Variants in SH3RF3 observed in about 807,000 individuals in gnomAD.
SH3RF3 encodes SH3 domain containing ring finger 3.
A neutral mutation model predicts 66.3 loss-of-function variants in SH3RF3; 29 were observed. The observed-to-expected ratio is 0.44, with a 90% CI of 0.33 to 0.60. The LOEUF (loss-of-function observed/expected upper bound fraction) is 0.60, where lower values mean the gene tolerates loss of function less well. SH3RF3 is among the 20% of genes least tolerant of loss of function. The pLI is 0.04. For synonymous variants in SH3RF3, 583 were observed against 532.0 expected, an observed-to-expected ratio of 1.10 and a Z score of -1.32; for missense variants, 1,194 against 1,190.9, an observed-to-expected ratio of 1.00 and a Z score of -0.04.
chr2:109,199,061 A>T (rs1574498790), intron 1 of SH3RF3, among the ~76,000 whole-genome samples: 1 of 152,100 alleles, frequency 6.6e-6, no homozygotes, highest in Non-Finnish European at 1.5e-5. Flanking sequence ...AGTTCCACTT[A>T]AAAAATGGTC....
intron 3 of SH3RF3, among the ~76,000 whole-genome samples, chr2:109,380,639 T>C (rs1683489730): frequency 2.0e-5 from 3 of 152,194 alleles, no homozygotes; most frequent in Admixed American, 1.3e-4. Flanking sequence ...GACCGCAGCC[T>C]GAGTGGCTCA....
At chr2:109,271,666 G>A (rs1464886987) in intron 1 of SH3RF3, among the ~76,000 whole-genome samples, 2 of 152,212 alleles carry the variant, frequency 1.3e-5, no homozygotes, top group Admixed American at 6.5e-5. Context: ...ATCCAGATAC[G>A]TGGTGGGTGC....
chr2:109,170,644 C>A (rs1320195532), intron 1 of SH3RF3, among the ~76,000 whole-genome samples: 1 of 152,194 alleles, frequency 6.6e-6, no homozygotes, highest in African/African-American at 2.4e-5. Context: ...GCCACTGTGC[C>A]TGGTCAAACA....
intron 1 of SH3RF3, among the ~76,000 whole-genome samples, chr2:109,220,656 A>C (rs1679208756): frequency 6.6e-6 from 1 of 152,258 alleles, no homozygotes; most frequent in Admixed American, 6.5e-5. Flanking sequence ...GCCAGTAAGC[A>C]CATGAAAAGA....
intron 8 of SH3RF3, among the ~76,000 whole-genome samples, chr2:109,470,448 G>A (rs185016388): frequency 3.3e-5 from 5 of 152,112 alleles, no homozygotes; most frequent in Non-Finnish European, 5.9e-5. Flanking sequence ...TGCACGTCTG[G>A]GGAGACACCA....
intron 1 of SH3RF3, among the ~76,000 whole-genome samples, chr2:109,249,397 G>A (rs1310850862): frequency 1.3e-5 from 2 of 152,184 alleles, no homozygotes; most frequent in African/African-American, 4.8e-5. Context: ...CCAAAGCTCA[G>A]AGGATCTGGA....
rs545108714 is a variant in SH3RF3 at position 109,212,789 on chromosome 2, G to A, written c.573+82676G>A. Among the ~76,000 whole-genome samples, 3 of 151,818 alleles carry A rather than the reference G, an allele frequency of 2.0e-5. No homozygotes were observed. The South Asian group carries it at 6.2e-4, about 31-fold the overall frequency. On this transcript the variant is annotated intron_variant, in intron 1 of 9. Coordinates refer to ENST00000309415, the MANE Select transcript of SH3RF3 (RefSeq NM_001099289.3). ...CACCCGTCAGTTCCCTCTGCCCCTG[G>A]TATTTCCCTGCTGGAGGAGTTAGAC... is the stretch of plus-strand genomic sequence containing the variant.
chr2:109,488,826 G>A (rs1366786644), intron 8 of SH3RF3, among the ~76,000 whole-genome samples: 3 of 152,360 alleles, frequency 2.0e-5, no homozygotes, highest in Middle Eastern at 3.4e-3. Context: ...CTGGCACGGT[G>A]CACAAGACCT....
chr2:109,248,651 T>C (rs1679978000), intron 1 of SH3RF3, among the ~76,000 whole-genome samples: 1 of 152,204 alleles, frequency 6.6e-6, no homozygotes, highest in Admixed American at 6.5e-5. Context: ...AGCAAATAAT[T>C]AGTACACTTG....
At chr2:109,460,951 T>C (rs1678194797) in intron 8 of SH3RF3, among the ~76,000 whole-genome samples, 1 of 152,224 alleles carries the variant, frequency 6.6e-6, no homozygotes, top group Non-Finnish European at 1.5e-5. Flanking sequence ...TTTCAGGTGG[T>C]GCCTGCATAT....
chr2:109,167,745 G>A (rs893544773), intron 1 of SH3RF3, among the ~76,000 whole-genome samples: 2 of 151,988 alleles, frequency 1.3e-5, no homozygotes, highest in Non-Finnish European at 2.9e-5. Context: ...CTAATTTTTT[G>A]TATTTTTAGT....
At chr2:109,151,148 G>C (rs1338123567) in intron 1 of SH3RF3, among the ~76,000 whole-genome samples, 1 of 152,232 alleles carries the variant, frequency 6.6e-6, no homozygotes, top group Non-Finnish European at 1.5e-5. Context: ...GCTTATATTT[G>C]ATGGGTTCTT....
At chr2:109,312,508 C>T (rs1394076164) in intron 1 of SH3RF3, among the ~76,000 whole-genome samples, 1 of 152,138 alleles carries the variant, frequency 6.6e-6, no homozygotes, top group East Asian at 1.9e-4. Context: ...AGGAAACTCT[C>T]TACCCATCAG....
intron 3 of SH3RF3, among the ~76,000 whole-genome samples, chr2:109,395,531 G>A (rs1389913730): frequency 1.3e-5 from 2 of 152,190 alleles, no homozygotes; most frequent in Non-Finnish European, 2.9e-5. Context: ...CCTGCCGTCT[G>A]TTGAAGCTGC....
At position 109,398,488 on chromosome 2, in the gene SH3RF3, T is replaced by C. The variant is rs1197759679; in HGVS notation, c.946-102T>C. 4 of 1,049,036 alleles carry C rather than the reference T, an allele frequency of 3.8e-6. No individual in the cohort carries two copies. In the East Asian group the frequency reaches 1.0e-4, roughly 28 times the overall value. The allele number at this position is 1,049,036 out of a possible 1,614,324, so 65.0% of individuals were successfully genotyped here. On this transcript the variant is annotated intron_variant, in intron 3 of 9. Transcript: ENST00000309415. ...CTGCAGTCTGACGGATTTGAATGCATTGCCAGTTTGTGAATGGAAATGTGG... is the reference window on the plus strand; with the variant it reads ...CTGCAGTCTGACGGATTTGAATGCACTGCCAGTTTGTGAATGGAAATGTGG...
chr2:109,474,022 G>A (rs1232431750), intron 8 of SH3RF3, among the ~76,000 whole-genome samples: 2 of 152,152 alleles, frequency 1.3e-5, no homozygotes, highest in African/African-American at 4.8e-5. Flanking sequence ...CTTTGATGCT[G>A]GAGACTTTCT....
At chr2:109,155,970 A>G (rs1391605002) in intron 1 of SH3RF3, among the ~76,000 whole-genome samples, 1 of 152,162 alleles carries the variant, frequency 6.6e-6, no homozygotes, top group Non-Finnish European at 1.5e-5. Flanking sequence ...GCATGCTGTC[A>G]CTGAGCTCTG....
At chr2:109,440,611 T>A (rs1224202033) in intron 7 of SH3RF3, among the ~76,000 whole-genome samples, 1 of 151,922 alleles carries the variant, frequency 6.6e-6, no homozygotes, top group East Asian at 1.9e-4. Context: ...AAAACAACAG[T>A]TTTCAAGACA....
At chr2:109,361,534 C>T (rs1277278540) in intron 2 of SH3RF3, among the ~76,000 whole-genome samples, 3 of 152,190 alleles carry the variant, frequency 2.0e-5, no homozygotes, top group South Asian at 2.1e-4. Context: ...AGTGCAGTGG[C>T]GCGATCTTGG....
Sources: gnomAD v4.1 joint callset for allele counts (sites outside exome capture counted in the v4.1 genomes callset) on GRCh38, gnomAD v4.1.1 for gene constraint, MANE v1.5 for transcripts, NCBI Gene and HGNC (gene_info 2026-07-23, HGNC 2026-07-21) for gene names.